The following CAST variants were observed in gnomAD, a reference collection of about 807,000 sequenced individuals.
The protein encoded by CAST is MIR583 host.
A neutral mutation model predicts 119.6 loss-of-function variants in CAST; 76 were observed. The observed-to-expected ratio is 0.64, with a 90% CI of 0.53 to 0.77. The LOEUF (loss-of-function observed/expected upper bound fraction) is 0.77, where lower values mean the gene tolerates loss of function less well. Among genes scored for constraint, CAST ranks in the 30% least tolerant of loss-of-function variants. The pLI, the probability that CAST is intolerant of heterozygous loss-of-function variation, is 0.00. For missense variants in CAST, 953 were observed against 946.5 expected, an observed-to-expected ratio of 1.01 and a Z score of -0.09; for synonymous variants, 319 against 331.6, an observed-to-expected ratio of 0.96 and a Z score of 0.41.
the CAST span, among the ~76,000 whole-genome samples, chr5:96,243,644 C>A: frequency 1.3e-5 from 2 of 152,026 alleles, no homozygotes; most frequent in Non-Finnish European, 2.9e-5. Context: ...TCAGTGAATG[C>A]CACCAATAAA....
chr5:96,382,079 T>C, the CAST span, among the ~76,000 whole-genome samples: 1 of 152,228 alleles, frequency 6.6e-6, no homozygotes, highest in East Asian at 1.9e-4. Context: ...CTTAGATAAC[T>C]AAGCAGCCGA....
chr5:96,161,268 T>C, the CAST span, among the ~76,000 whole-genome samples: 1 of 152,160 alleles, frequency 6.6e-6, no homozygotes, highest in Non-Finnish European at 1.5e-5. Context: ...CAGTTTTCTA[T>C]TTTGAGTTAA....
the CAST span, among the ~76,000 whole-genome samples, chr5:96,011,163 C>A: frequency 2.0e-5 from 3 of 152,112 alleles, no homozygotes; most frequent in Non-Finnish European, 4.4e-5. Flanking sequence ...CCAATTGTGT[C>A]TGAGTTTACA....
chr5:96,737,427 C>G (rs553406696), intron 10 of CAST, among the ~76,000 whole-genome samples: 1 of 152,284 alleles, frequency 6.6e-6, no homozygotes, highest in East Asian at 1.9e-4. Context: ...TTGTTTAAAA[C>G]TCTGGAAAAG....
the CAST span, among the ~76,000 whole-genome samples, chr5:96,057,000 C>A: frequency 3.3e-5 from 5 of 152,106 alleles, 1 homozygote; most frequent in South Asian, 1.0e-3. Context: ...AGAACCAGAA[C>A]AGGTTCAGAG....
At chr5:96,757,766 C>A in intron 24 of CAST, 112 bp downstream of exon 24, 1 of 685,224 alleles carries the variant, frequency 1.5e-6, no homozygotes, top group Non-Finnish European at 2.5e-6. Flanking sequence ...TCTTCAGTCA[C>A]CGCAACCTCC....
chr5:96,360,703 A>G, the CAST span, among the ~76,000 whole-genome samples: 1 of 152,186 alleles, frequency 6.6e-6, no homozygotes, highest in African/African-American at 2.4e-5. Flanking sequence ...TTCCTCTGGA[A>G]GCTTCATCCC....
chr5:96,584,288 G>C (rs1181390686), intron 1 of CAST, among the ~76,000 whole-genome samples: 1 of 152,160 alleles, frequency 6.6e-6, no homozygotes, highest in Non-Finnish European at 1.5e-5. Flanking sequence ...ATCTGACAGG[G>C]GACAGAGCTC....
At chr5:96,762,783 ATCG>A in intron 25 of CAST, 2 of 247,436 alleles carry the variant, frequency 8.1e-6, no homozygotes, top group Non-Finnish European at 1.6e-5. Context: ...ATTTTATGGA[ATCG>A]TCATGTTTGA....
At chr5:96,323,618 G>T in the CAST span, among the ~76,000 whole-genome samples, 1 of 152,118 alleles carries the variant, frequency 6.6e-6, no homozygotes, top group Non-Finnish European at 1.5e-5. Flanking sequence ...GAGCTTTGAT[G>T]CTTGTTGGTA....
the CAST span, among the ~76,000 whole-genome samples, chr5:96,452,353 G>A: frequency 3.9e-5 from 6 of 152,090 alleles, no homozygotes; most frequent in East Asian, 1.9e-4. Flanking sequence ...GGACATGGAT[G>A]AAGCTGGAAA....
rs1380070236 is a variant in CAST, at chr5:96,752,562, A to T, written c.1525-1498A>T. On this transcript the variant is annotated intron_variant, in intron 20 of 31. Transcript: ENST00000675179. ...AGAAACCTCAGGGATAACCTCAGGG[A>T]TTTTTTTTTTTTTTTTTTTTTTTTT... Among the ~76,000 whole-genome samples, 82 of 16,106 alleles carry T rather than the reference A, an allele frequency of 5.1e-3. 2 individuals carry two copies. Among genetic ancestry groups the T allele is most frequent in the African/African-American group, 0.02 (72 of 3,556 alleles). 10.6% of individuals were successfully genotyped at this position (16,106 alleles called of 152,430 possible). A position where few individuals can be genotyped will look rare whatever the true frequency, so the allele number is the denominator to read the frequency against.
the CAST span, among the ~76,000 whole-genome samples, chr5:96,202,552 A>G: frequency 1.3e-5 from 2 of 152,128 alleles, no homozygotes; most frequent in African/African-American, 4.8e-5. Flanking sequence ...TAAGACAAAA[A>G]AACAAAAATA....
chr5:96,531,885 C>A (rs997325444), intron 1 of CAST, among the ~76,000 whole-genome samples: 2 of 152,020 alleles, frequency 1.3e-5, no homozygotes, highest in African/African-American at 4.8e-5. Flanking sequence ...ATAAAAAATT[C>A]AACAAAAGGA....
chr5:96,539,526 C>G (rs537440834), intron 1 of CAST, among the ~76,000 whole-genome samples: 18 of 152,156 alleles, frequency 1.2e-4, no homozygotes, highest in African/African-American at 4.3e-4. Context: ...GCTTTTCATC[C>G]TTTTATTTTT....
chr5:96,675,547 T>G lies in CAST; in HGVS notation c.84T>G (p.Ser28Arg). The G allele has an allele frequency of 6.2e-7, 1 of 1,612,462 alleles. No individual in the cohort carries two copies. The highest frequency in any genetic ancestry group is 8.5e-7 in the Non-Finnish European group (1 of 1,178,530). ...TTTTTACTTTTTTATAGCATGTCAG[T>G]GAAAAAACCAGTGAATCGCCTTCCA... is the stretch of plus-strand genomic sequence containing the variant. ...AAARRTHEHV[S>R]EKTSESPSKP... Residue 28 changes from serine to arginine, a missense_variant, in exon 2 of 32, where the codon AGT becomes AGG. Physicochemically the swap from Ser to Arg is moderately radical, Grantham distance 110 (BLOSUM62 -1). Coordinates refer to ENST00000675179, the MANE Select transcript of CAST (RefSeq NM_001750.7).
chr5:96,562,810 C>A (rs1022636112), intron 1 of CAST, among the ~76,000 whole-genome samples: 1 of 152,102 alleles, frequency 6.6e-6, no homozygotes, highest in Non-Finnish European at 1.5e-5. Flanking sequence ...ATAAAAGAAA[C>A]AAAATGAGGC....
the CAST span, among the ~76,000 whole-genome samples, chr5:96,310,579 G>A: frequency 6.8e-6 from 1 of 146,128 alleles, no homozygotes; most frequent in African/African-American, 2.5e-5. Flanking sequence ...TTTTTTAAAT[G>A]GGAGACTATG....
the CAST span, among the ~76,000 whole-genome samples, chr5:96,497,671 G>A: frequency 1.3e-5 from 2 of 152,174 alleles, no homozygotes; most frequent in Admixed American, 6.5e-5. Context: ...TTTCAGAAGT[G>A]TCTGTTCATA....
Sources: allele counts gnomAD v4.1 joint callset (sites outside exome capture counted in the v4.1 genomes callset), GRCh38; gene constraint gnomAD v4.1.1; transcripts MANE v1.5; gene names NCBI Gene and HGNC (gene_info 2026-07-23, HGNC 2026-07-21).